Variants in ABCG2 observed in about 807,000 individuals in gnomAD.
The protein encoded by ABCG2 is broad substrate specificity ATP-binding cassette transporter ABCG2.
Under a neutral mutation model 73.5 loss-of-function variants are expected in ABCG2, and 80 were observed. That is an observed-to-expected ratio of 1.09 (90% CI 0.91 to 1.31). The LOEUF (loss-of-function observed/expected upper bound fraction) is 1.31, where lower values mean the gene tolerates loss of function less well. Ranked by LOEUF, ABCG2 falls within the 50% of genes most tolerant of loss-of-function variation. The pLI is 0.00. For missense variants in ABCG2, 796 were observed against 786.2 expected (o/e 1.01, Z -0.15); for synonymous variants, 269 against 282.4 (o/e 0.95, Z 0.48).
chr4:88,171,122 G>T (rs1727739017), intron 1 of ABCG2, among the ~76,000 whole-genome samples: 1 of 152,084 alleles, frequency 6.6e-6, no homozygotes, highest in Non-Finnish European at 1.5e-5. Context: ...ACTTGAGGGT[G>T]GAGGTTGAGA....
chr4:88,131,476 C>G (rs991133558), intron 4 of ABCG2, among the ~76,000 whole-genome samples: 1 of 152,094 alleles, frequency 6.6e-6, no homozygotes, highest in African/African-American at 2.4e-5. Context: ...TTCCAAACTG[C>G]TTCATACAAG....
At chr4:88,179,707 T>C (rs763403689) in intron 1 of ABCG2, among the ~76,000 whole-genome samples, 1 of 151,782 alleles carries the variant, frequency 6.6e-6, no homozygotes, top group East Asian at 1.9e-4. Flanking sequence ...GGAATCAGAG[T>C]CCTAAAAATG....
chr4:88,195,684 T>A lies in ABCG2; in HGVS notation c.-20+35310A>T, dbSNP rs188361012. Among the ~76,000 whole-genome samples the A allele has an allele frequency of 2.7e-3, 404 of 152,282 alleles. 3 individuals carry two copies. Among genetic ancestry groups the A allele is most frequent in the African/African-American group, 8.5e-3 (354 of 41,552 alleles). ...TAAGTGGGCAACTTGAGAAATCCCA[T>A]GCACAGTTTGACCTTTGACTTGTGG... On this transcript the variant is annotated intron_variant, in intron 1 of 15. Transcript: ENST00000515655.
At chr4:88,152,852 T>A (rs2725240) in intron 1 of ABCG2, among the ~76,000 whole-genome samples, 1 of 151,834 alleles carries the variant, frequency 6.6e-6, no homozygotes, top group African/African-American at 2.4e-5. Context: ...CTGCTTCAAG[T>A]GGGATTAGGG....
At chr4:88,177,806 C>T (rs567291357) in intron 1 of ABCG2, among the ~76,000 whole-genome samples, 105 of 152,188 alleles carry the variant, frequency 6.9e-4, no homozygotes, top group Non-Finnish European at 1.3e-3. Flanking sequence ...CGCATTGGAA[C>T]TCAGTGCTGC....
chr4:88,107,007 A>T (rs1013866827), intron 10 of ABCG2, among the ~76,000 whole-genome samples, 177 bp downstream of exon 10: 12 of 152,214 alleles, frequency 7.9e-5, no homozygotes, highest in Admixed American at 7.9e-4. Context: ...GCGTCACTGC[A>T]CTCCAGCCTG....
intron 1 of ABCG2, among the ~76,000 whole-genome samples, chr4:88,177,047 A>G (rs1047945858): frequency 6.6e-6 from 1 of 152,212 alleles, no homozygotes; most frequent in Non-Finnish European, 1.5e-5. Context: ...AAAGAGAAGC[A>G]AAAAGACTGG....
rs144267709 is a variant in ABCG2 at position 88,158,580 on chromosome 4, G to C, written c.-214C>G. 8.3e-5 allele frequency: 38 copies of C among 456,384 alleles called. No individual in the cohort carries two copies. Among genetic ancestry groups the C allele is most frequent in the Non-Finnish European group, 1.5e-4 (35 of 226,970 alleles). 28.3% of individuals were successfully genotyped at this position (456,384 alleles called of 1,614,324 possible). On this transcript the variant is annotated 5_prime_UTR_variant, in exon 1 of 16. Coordinates refer to ENST00000237612, the MANE Select transcript of ABCG2 (RefSeq NM_004827.3). ...ACGGTGCGTTCCTAAATCCTACCCAGTTCCTCCACAGGCTGCCTCCTTGCC... is the reference window on the plus strand; with the variant it reads ...ACGGTGCGTTCCTAAATCCTACCCACTTCCTCCACAGGCTGCCTCCTTGCC...
At chr4:88,101,041 C>T (rs1169989931) in intron 11 of ABCG2, among the ~76,000 whole-genome samples, 189 bp downstream of exon 11, 1 of 152,168 alleles carries the variant, frequency 6.6e-6, no homozygotes, top group Non-Finnish European at 1.5e-5. Flanking sequence ...AACCCCTATA[C>T]ATATTTTCAA....
intron 1 of ABCG2, among the ~76,000 whole-genome samples, chr4:88,170,920 C>T (rs1727731235): frequency 6.6e-6 from 1 of 152,130 alleles, no homozygotes; most frequent in South Asian, 2.1e-4. Context: ...GACATATACA[C>T]CATGAAGTAC....
intron 1 of ABCG2, among the ~76,000 whole-genome samples, chr4:88,170,526 C>T (rs1727717577): frequency 6.6e-6 from 1 of 152,240 alleles, no homozygotes; most frequent in African/African-American, 2.4e-5. Flanking sequence ...GTGCTGGCCC[C>T]TTCACCAGAT....
chr4:88,213,409 A>C (rs1374553909), intron 1 of ABCG2, among the ~76,000 whole-genome samples: 1 of 152,104 alleles, frequency 6.6e-6, no homozygotes, highest in African/African-American at 2.4e-5. Flanking sequence ...TAAGTAAAAG[A>C]GAACTTCAGA....
At chr4:88,111,772 T>C (rs2110003625) in intron 9 of ABCG2, among the ~76,000 whole-genome samples, 1 of 152,178 alleles carries the variant, frequency 6.6e-6, no homozygotes, top group Admixed American at 6.5e-5. Context: ...GGAGTACTAA[T>C]GTTTTGGGTG....
intron 1 of ABCG2, among the ~76,000 whole-genome samples, chr4:88,180,903 T>A (rs1728208534): frequency 6.6e-6 from 1 of 152,150 alleles, no homozygotes; most frequent in South Asian, 2.1e-4. Context: ...TGTAAACTAC[T>A]CATATTTTGA....
At position 88,118,121 on chromosome 4, in the gene ABCG2, A is replaced by G. The variant is rs760365069; in HGVS notation, c.829T>C (p.Phe277Leu). 1 of 1,612,732 alleles carries G rather than the reference A, an allele frequency of 6.2e-7. No individual in the cohort carries two copies. The highest frequency in any genetic ancestry group is 1.3e-5 in the African/African-American group (1 of 75,002). ...HGPAQEALGY[F>L]ESAGYHCEAY... Reference sequence around the variant, plus strand: ...AAGTCAACCATACCAGCTGATTCAAAGTATCCCAAGGCCTCCTGAGCAGGC... The same window carrying G: ...AAGTCAACCATACCAGCTGATTCAAGGTATCCCAAGGCCTCCTGAGCAGGC... Residue 277 changes from phenylalanine (F) to leucine (L), a missense_variant, in exon 7 of 16, where the codon TTT becomes CTT. Transcript: ENST00000237612.
chr4:88,198,316 G>C (rs1469331679), intron 1 of ABCG2, among the ~76,000 whole-genome samples: 5 of 151,790 alleles, frequency 3.3e-5, no homozygotes, highest in African/African-American at 1.2e-4. Flanking sequence ...CTGGGTGACA[G>C]AGCAAGACTC....
intron 1 of ABCG2, among the ~76,000 whole-genome samples, chr4:88,154,264 CT>C (rs904633437): frequency 6.6e-6 from 1 of 152,146 alleles, no homozygotes; most frequent in African/African-American, 2.4e-5. Context: ...CAGTGAATGA[CT>C]CCAGCTTCCT....
At position 88,131,916 on chromosome 4, in the gene ABCG2, A is replaced by AGATG; in HGVS notation, c.264_265insCATC (p.Leu89HisfsTer33). ...TTCCTTGCAGCTAAGACATCTAATA[A>AGATG]CCTATAAGAGGACATATATGTTGTG... On this transcript the variant is annotated frameshift_variant and splice_region_variant, in exon 4 of 16. Transcript: ENST00000237612. LOFTEE classifies it high-confidence loss of function. 1 of 1,609,252 alleles carries AGATG rather than the reference A, an allele frequency of 6.2e-7. No homozygotes were observed. Among genetic ancestry groups the AGATG allele is most frequent in the Non-Finnish European group, 8.5e-7 (1 of 1,175,790 alleles).
At chr4:88,126,353 G>C (rs894439780) in intron 5 of ABCG2, among the ~76,000 whole-genome samples, 2 of 152,206 alleles carry the variant, frequency 1.3e-5, no homozygotes, top group African/African-American at 2.4e-5. Flanking sequence ...GAGGTACAAA[G>C]AGGAGCTGGT....
Sources: allele counts gnomAD v4.1 joint callset (sites outside exome capture counted in the v4.1 genomes callset), GRCh38; gene constraint gnomAD v4.1.1; transcripts MANE v1.5; gene names NCBI Gene and HGNC (gene_info 2026-07-23, HGNC 2026-07-21).